Variants in FAM241A observed in about 807,000 individuals in gnomAD.
FAM241A encodes the protein uncharacterized protein FAM241A.
In FAM241A, 7 loss-of-function variants were observed where a neutral mutation model predicts 12.2. The ratio of observed to expected loss-of-function variants is 0.58; its 90% CI spans 0.33 to 1.08. FAM241A has a LOEUF of 1.08. Ranked by LOEUF, FAM241A falls within the 50% of genes least tolerant of loss-of-function variation. The probability of loss-of-function intolerance (pLI) is 0.04; values close to 1 mark genes in which losing one functional copy is unlikely to be tolerated. For missense variants in FAM241A, 161 were observed against 169.7 expected (o/e 0.95, Z 0.29); for synonymous variants, 74 against 68.2 (o/e 1.08, Z -0.42).
In FAM241A at chr4:112,192,488, C is replaced by G. The variant is rs1724186426; in HGVS notation, c.*5550C>G. ...ATTAGGTATATCTCCTAATGCTATC[C>G]CTCTCCCCTCCCCCCACCCCACAAC... On this transcript the variant is annotated 3_prime_UTR_variant, in exon 2 of 2. Coordinates refer to ENST00000309733, the MANE Select transcript of FAM241A (RefSeq NM_152400.3). 1 of 146,586 alleles carries G rather than the reference C, an allele frequency of 6.8e-6. No individual in the cohort carries two copies. The highest frequency in any genetic ancestry group is 1.5e-5 in the Non-Finnish European group (1 of 66,748). The allele number at this position is 146,586 out of a possible 1,614,324, so 9.1% of individuals were successfully genotyped here.
At position 112,194,511 on chromosome 4, in the gene FAM241A, G is replaced by A. The variant is rs538248774; in HGVS notation, c.*7573G>A. The A allele has an allele frequency of 2.0e-5, 3 of 151,956 alleles. No individual in the cohort carries two copies. The highest frequency in any genetic ancestry group is 1.3e-4 in the Admixed American group (2 of 15,254). 9.4% of individuals were successfully genotyped at this position (151,956 alleles called of 1,614,324 possible). On this transcript the variant is annotated 3_prime_UTR_variant, in exon 2 of 2. Coordinates refer to ENST00000309733, the MANE Select transcript of FAM241A (RefSeq NM_152400.3). ...TGTCATAGATAGCTCTTATTATTTT[G>A]AGATACGTCCCATCAATACCTGATT...
At chr4:112,162,576 T>C (rs750332850) in intron 1 of FAM241A, among the ~76,000 whole-genome samples, 10 of 152,028 alleles carry the variant, frequency 6.6e-5, no homozygotes, top group Non-Finnish European at 1.3e-4. Context: ...TCAAAGAGAA[T>C]AAAATACCTA....
intron 1 of FAM241A, among the ~76,000 whole-genome samples, chr4:112,154,028 A>T (rs1403361455): frequency 6.6e-6 from 1 of 152,126 alleles, no homozygotes; most frequent in African/African-American, 2.4e-5. Flanking sequence ...ATTTTACTTG[A>T]ATGTCTGCAG....
chr4:112,173,467 T>C (rs1266449718), intron 1 of FAM241A, among the ~76,000 whole-genome samples: 1 of 152,192 alleles, frequency 6.6e-6, no homozygotes, highest in African/African-American at 2.4e-5. Context: ...AAAAATGAGT[T>C]AATTACCAGC....
intron 1 of FAM241A, among the ~76,000 whole-genome samples, chr4:112,145,965 T>C (rs1356648643): frequency 6.6e-6 from 1 of 151,952 alleles, no homozygotes; most frequent in Non-Finnish European, 1.5e-5. Flanking sequence ...GGGTCGCGTG[T>C]CTGGCGGGGT....
intron 1 of FAM241A, among the ~76,000 whole-genome samples, chr4:112,172,473 A>G (rs1479406297): frequency 2.0e-5 from 3 of 152,228 alleles, no homozygotes; most frequent in African/African-American, 7.2e-5. Context: ...AAGCAGTTAA[A>G]CACACCATAT....
chr4:112,156,029 T>C (rs1723347145), intron 1 of FAM241A, among the ~76,000 whole-genome samples: 1 of 152,108 alleles, frequency 6.6e-6, no homozygotes, highest in South Asian at 2.1e-4. Context: ...AGCCCTAAAC[T>C]ACCAAGCTAG....
intron 1 of FAM241A, among the ~76,000 whole-genome samples, chr4:112,166,949 C>T (rs986462140): frequency 9.7e-5 from 11 of 113,320 alleles, no homozygotes; most frequent in African/African-American, 3.0e-4. Flanking sequence ...CCCGTCTCTA[C>T]TAAAAATACA....
intron 1 of FAM241A, among the ~76,000 whole-genome samples, chr4:112,168,271 C>T (rs1723641974): frequency 6.6e-6 from 1 of 152,174 alleles, no homozygotes; most frequent in Admixed American, 6.5e-5. Context: ...AGACTAGATT[C>T]CTACAGACTC....
At chr4:112,167,715 A>T (rs563553368) in intron 1 of FAM241A, among the ~76,000 whole-genome samples, 1 of 152,180 alleles carries the variant, frequency 6.6e-6, no homozygotes, top group Non-Finnish European at 1.5e-5. Flanking sequence ...TAAGCAGTTT[A>T]ATAGCAGGGA....
Position 112,192,631 on chromosome 4 carries a change from A to C in FAM241A, c.*5693A>C, listed in dbSNP as rs1473437152. ...TTGTCCTTGCGATAGTTTACTGAGA[A>C]TGATGATTTCCAATTTCATCCATGT... On this transcript the variant is annotated 3_prime_UTR_variant, in exon 2 of 2. Coordinates refer to ENST00000309733, the MANE Select transcript of FAM241A (RefSeq NM_152400.3). The C allele has an allele frequency of 6.6e-6, 1 of 151,498 alleles. No individual in the cohort carries two copies. The highest frequency in any genetic ancestry group is 1.5e-5 in the Non-Finnish European group (1 of 67,962). The allele number at this position is 151,498 out of a possible 1,614,324, so 9.4% of individuals were successfully genotyped here.
At chr4:112,150,657 A>AG (rs914056272) in intron 1 of FAM241A, among the ~76,000 whole-genome samples, 1 of 151,860 alleles carries the variant, frequency 6.6e-6, no homozygotes, top group African/African-American at 2.4e-5. Context: ...GGGTTCAGTG[A>AG]GGGGGGTCCA....
In FAM241A at chr4:112,180,491, T is replaced by G. The variant is rs576491154; in HGVS notation, c.154-6202T>G. On this transcript the variant is annotated intron_variant, in intron 1 of 1. Coordinates refer to ENST00000309733, the MANE Select transcript of FAM241A (RefSeq NM_152400.3). Reference sequence around the variant, plus strand: ...TCTGTGTTTGTTAACAACAGTTAAATGTAGGCAGTAAAAAATACAGGTGTT... The same window carrying G: ...TCTGTGTTTGTTAACAACAGTTAAAGGTAGGCAGTAAAAAATACAGGTGTT... Among the ~76,000 whole-genome samples the G allele has an allele frequency of 1.5e-4, 23 of 152,328 alleles. No individual in the cohort carries two copies. In the South Asian group the frequency reaches 4.1e-3, roughly 27 times the overall value.
rs60342124 is a variant in FAM241A at position 112,194,560 on chromosome 4, C to T, written c.*7622C>T. The T allele has an allele frequency of 1.3e-5, 2 of 151,482 alleles. No homozygotes were observed. The highest frequency in any genetic ancestry group is 2.9e-5 in the Non-Finnish European group (2 of 67,922). The allele number at this position is 151,482 out of a possible 1,614,324, so 9.4% of individuals were successfully genotyped here. A position where few individuals can be genotyped will look rare whatever the true frequency, so the allele number is the denominator to read the frequency against. On this transcript the variant is annotated 3_prime_UTR_variant, in exon 2 of 2. Transcript: ENST00000309733. ...TTTATTGAGAGTTTTTAGCATGAAGCGTTGTTGAATTTTGTCAAAGGCCTT... is the reference window on the plus strand; with the variant it reads ...TTTATTGAGAGTTTTTAGCATGAAGTGTTGTTGAATTTTGTCAAAGGCCTT...
rs191513542 is a variant in FAM241A at position 112,149,399 on chromosome 4, T to C, written c.153+3666T>C. On this transcript the variant is annotated intron_variant, in intron 1 of 1. Transcript: ENST00000309733. ...ATTTTCCCATGTTATGGAAATTCTA[T>C]GTGAAAACTCTCTTTAGGGCTGCCA... Among the ~76,000 whole-genome samples, 67 of 152,354 alleles carry C rather than the reference T, an allele frequency of 4.4e-4. 1 individual carries two copies. The East Asian group carries it at 0.013, about 28-fold the overall frequency.
At chr4:112,167,815 C>CT (rs1444263719) in intron 1 of FAM241A, among the ~76,000 whole-genome samples, 1 of 152,156 alleles carries the variant, frequency 6.6e-6, no homozygotes, top group Non-Finnish European at 1.5e-5. Flanking sequence ...ACTAAATTGA[C>CT]TAAGTAATTT....
intron 1 of FAM241A, among the ~76,000 whole-genome samples, chr4:112,158,300 T>G (rs1298244070): frequency 1.3e-5 from 2 of 152,162 alleles, no homozygotes; most frequent in African/African-American, 4.8e-5. Context: ...TGCCATATAC[T>G]GAAGATACTT....
chr4:112,183,128 AT>A (rs1231981388), intron 1 of FAM241A, among the ~76,000 whole-genome samples: 3 of 151,358 alleles, frequency 2.0e-5, no homozygotes, highest in Non-Finnish European at 4.4e-5. Context: ...TAGCCTAGTG[AT>A]TTTTTTTTAA....
At chr4:112,156,216 CATAG>C (rs1458378209) in intron 1 of FAM241A, among the ~76,000 whole-genome samples, 1 of 152,156 alleles carries the variant, frequency 6.6e-6, no homozygotes, top group Non-Finnish European at 1.5e-5. Context: ...ACTGCAGTAG[CATAG>C]ATAGATCAAT....
Sources: allele counts gnomAD v4.1 joint callset (sites outside exome capture counted in the v4.1 genomes callset), GRCh38; gene constraint gnomAD v4.1.1; transcripts MANE v1.5; gene names NCBI Gene and HGNC (gene_info 2026-07-23, HGNC 2026-07-21).